Variants in AMTN observed in about 807,000 individuals in gnomAD.
AMTN encodes RSTI689.
A neutral mutation model predicts 27.4 loss-of-function variants in AMTN; 29 were observed. The observed-to-expected ratio is 1.06, with a 90% confidence interval of 0.79 to 1.44. The LOEUF (loss-of-function observed/expected upper bound fraction) is 1.44, where lower values mean the gene tolerates loss of function less well. Ranked by LOEUF, AMTN falls within the 40% of genes most tolerant of loss-of-function variation. AMTN has a pLI of 0.00. For missense variants in AMTN, 247 were observed against 248.8 expected (o/e 0.99, Z 0.05); for synonymous variants, 86 against 95.7 (o/e 0.90, Z 0.59).
chr4:70,523,824 G>A (rs1315489423), intron 3 of AMTN, 44 bp from the exon 4 acceptor site: 8 of 1,509,632 alleles, frequency 5.3e-6, no homozygotes, highest in Non-Finnish European at 7.4e-6. Context: ...AGTAAGGGAA[G>A]CAGACAACCT....
At chr4:70,527,772 C>T (rs1163731663) in intron 5 of AMTN, among the ~76,000 whole-genome samples, 1 of 152,182 alleles carries the variant, frequency 6.6e-6, no homozygotes, top group Non-Finnish European at 1.5e-5. Flanking sequence ...CTTTGACAAA[C>T]TTCTGGCCGG....
rs763560209 is a variant in AMTN, at chr4:70,523,731, C to T, written c.139-137C>T. 409 of 721,180 alleles carry T rather than the reference C, an allele frequency of 5.7e-4. 1 individual carries two copies. The highest frequency in any genetic ancestry group is 3.4e-4 in the Non-Finnish European group (144 of 419,768). The allele number at this position is 721,180 out of a possible 1,614,324, so 44.7% of individuals were successfully genotyped here. A position where few individuals can be genotyped will look rare whatever the true frequency, so the allele number is the denominator to read the frequency against. On this transcript the variant is annotated intron_variant, in intron 3 of 8. Coordinates refer to ENST00000339336, the MANE Select transcript of AMTN (RefSeq NM_212557.4). ...AGGGAGCAATGCTAGTGAGAGGCCC[C>T]GAGGCTTCATCTTTATTTACCTTCA...
chr4:70,528,828 A>G (rs1736154564), intron 6 of AMTN, 70 bp downstream of exon 6: 1 of 1,303,850 alleles, frequency 7.7e-7, no homozygotes, highest in Non-Finnish European at 1.1e-6. Flanking sequence ...TCTTTCCTCA[A>G]TTCACTAGAT....
intron 2 of AMTN, 24 bp downstream of exon 2, chr4:70,518,855 T>A (rs543144811): frequency 6.3e-7 from 1 of 1,591,462 alleles, no homozygotes; most frequent in South Asian, 1.1e-5. Context: ...GTTTGTTTTA[T>A]ATGCCAGCCA....
At chr4:70,525,451 A>C (rs1006081649) in intron 5 of AMTN, among the ~76,000 whole-genome samples, 1 of 152,096 alleles carries the variant, frequency 6.6e-6, no homozygotes, top group African/African-American at 2.4e-5. Flanking sequence ...TCCCACTATC[A>C]CTTGCTTTCA....
At chr4:70,528,404 G>A (rs1736144454) in intron 5 of AMTN, among the ~76,000 whole-genome samples, 1 of 152,146 alleles carries the variant, frequency 6.6e-6, no homozygotes, top group African/African-American at 2.4e-5. Flanking sequence ...TAATCCAAGA[G>A]CTTTGGAAGG....
chr4:70,528,303 A>T (rs76001423), intron 5 of AMTN, among the ~76,000 whole-genome samples: 5,001 of 152,308 alleles, frequency 0.033, 245 homozygotes, highest in African/African-American at 0.1. Flanking sequence ...ATCTATGATT[A>T]TAGATAATAC....
intron 7 of AMTN, 101 bp from the exon 8 acceptor site, chr4:70,530,938 T>G: frequency 1.4e-6 from 2 of 1,466,426 alleles, no homozygotes; most frequent in Non-Finnish European, 9.2e-7. Flanking sequence ...CTGACTTTAC[T>G]CTCTCCATCT....
chr4:70,528,351 T>C (rs568157831), intron 5 of AMTN, among the ~76,000 whole-genome samples: 2 of 152,284 alleles, frequency 1.3e-5, no homozygotes, highest in Non-Finnish European at 2.9e-5. Context: ...TACTATATCC[T>C]TTTAAGAAGA....
chr4:70,527,586 T>C (rs1356998118), intron 5 of AMTN, among the ~76,000 whole-genome samples: 1 of 152,226 alleles, frequency 6.6e-6, no homozygotes, highest in Non-Finnish European at 1.5e-5. Flanking sequence ...TGGCATTCCA[T>C]AGTTCCATAA....
intron 2 of AMTN, 89 bp downstream of exon 2, chr4:70,518,920 C>G: frequency 9.2e-7 from 1 of 1,092,402 alleles, no homozygotes; most frequent in Non-Finnish European, 1.4e-6. Context: ...TCCATCAAAA[C>G]TGCTCTGTTT....
At chr4:70,521,614 T>C (rs1735968790) in intron 2 of AMTN, among the ~76,000 whole-genome samples, 1 of 137,964 alleles carries the variant, frequency 7.2e-6, no homozygotes, top group Non-Finnish European at 1.5e-5. Flanking sequence ...GAAAGGGACC[T>C]CCTAGAACAG....
In AMTN at chr4:70,528,771, C is replaced by A; in HGVS notation, c.330+13C>A. On this transcript the variant is annotated intron_variant, in intron 6 of 8. Coordinates refer to ENST00000339336, the MANE Select transcript of AMTN (RefSeq NM_212557.4). ...ACTTGGAGCCCAGGTAAAAATTATGCTTAATATTGTCTTGATTTTAAATCA... is the reference window on the plus strand; with the variant it reads ...ACTTGGAGCCCAGGTAAAAATTATGATTAATATTGTCTTGATTTTAAATCA... The A allele has an allele frequency of 6.3e-7, 1 of 1,581,726 alleles. No individual in the cohort carries two copies. Among genetic ancestry groups the A allele is most frequent in the Non-Finnish European group, 8.6e-7 (1 of 1,167,470 alleles).
At position 70,524,854 on chromosome 4, in the gene AMTN, T is replaced by C. The variant is rs1736065230; in HGVS notation, c.205-18T>C. 1 of 1,611,046 alleles carries C rather than the reference T, an allele frequency of 6.2e-7. No homozygotes were observed. Among genetic ancestry groups the C allele is most frequent in the Non-Finnish European group, 8.5e-7 (1 of 1,177,550 alleles). ...ACTGAAAAAAAATACAATGAAAGTC[T>C]TCTTCCTTGCCCTACAGTTAAATCC... On this transcript the variant is annotated intron_variant, in intron 4 of 8. Coordinates refer to ENST00000339336, the MANE Select transcript of AMTN (RefSeq NM_212557.4).
rs1332992441 is a variant in AMTN at position 70,522,820 on chromosome 4, C to T, written c.120C>T (p.Asn40=). Residue 40 remains asparagine, a synonymous_variant, in exon 3 of 9, where the codon AAC becomes AAT. Transcript: ENST00000339336. ...CTCCGGATCAGGGAACACTACCAAA[C>T]CAACAGCAGTCAAATCAGGTAAGAG... is the stretch of plus-strand genomic sequence containing the variant. ...KLAPDQGTLP[N]QQQSNQVFPS... The T allele has an allele frequency of 1.9e-6, 3 of 1,613,696 alleles. No individual in the cohort carries two copies. The highest frequency in any genetic ancestry group is 2.5e-6 in the Non-Finnish European group (3 of 1,179,838).
chr4:70,521,927 A>G (rs1735979639), intron 2 of AMTN, among the ~76,000 whole-genome samples: 1 of 151,980 alleles, frequency 6.6e-6, no homozygotes, highest in African/African-American at 2.4e-5. Context: ...CCCAGCCCCA[A>G]CCTCTCCTCA....
intron 5 of AMTN, among the ~76,000 whole-genome samples, chr4:70,527,644 T>C (rs1200309582): frequency 6.6e-6 from 1 of 152,324 alleles, no homozygotes; most frequent in African/African-American, 2.4e-5. Flanking sequence ...GTCTATTTCA[T>C]AAGACTTTCA....
At chr4:70,524,837 A>G in intron 4 of AMTN, 35 bp from the exon 5 acceptor site, 4 of 1,599,178 alleles carry the variant, frequency 2.5e-6, no homozygotes, top group Non-Finnish European at 3.4e-6. Flanking sequence ...AAACTGAAAA[A>G]AAATACAATG....
chr4:70,522,931 G>A (rs1334201585), intron 3 of AMTN, 93 bp downstream of exon 3: 1 of 1,262,460 alleles, frequency 7.9e-7, no homozygotes, highest in Admixed American at 1.8e-5. Flanking sequence ...AGACTGGTAG[G>A]TTTAAAATCA....
Sources: allele counts gnomAD v4.1 joint callset (sites outside exome capture counted in the v4.1 genomes callset), GRCh38; gene constraint gnomAD v4.1.1; transcripts MANE v1.5; gene names NCBI Gene and HGNC (gene_info 2026-07-23, HGNC 2026-07-21).